The following FYB1 variants were observed in gnomAD, a reference collection of about 807,000 sequenced individuals.
FYB1 encodes FYN-binding protein 1.
A neutral mutation model predicts 94.1 loss-of-function variants in FYB1; 41 were observed. The observed-to-expected ratio is 0.44, with a 90% CI of 0.34 to 0.57. The LOEUF is 0.57. Among genes scored for constraint, FYB1 ranks in the 20% least tolerant of loss-of-function variants. The probability of loss-of-function intolerance (pLI) is 0.02; values close to 1 mark genes in which losing one functional copy is unlikely to be tolerated. For missense variants in FYB1, 1,050 were observed against 976.8 expected (o/e 1.07, Z -1.00); for synonymous variants, 367 against 353.2 (o/e 1.04, Z -0.44).
At chr5:39,194,673 G>A (rs1376902021) in intron 2 of FYB1, among the ~76,000 whole-genome samples, 1 of 152,204 alleles carries the variant, frequency 6.6e-6, no homozygotes, top group African/African-American at 2.4e-5. Context: ...TCTTAGAAGA[G>A]CAGAAGAAAG....
At chr5:39,258,228 G>A (rs1752049506) in intron 1 of FYB1, among the ~76,000 whole-genome samples, 1 of 152,164 alleles carries the variant, frequency 6.6e-6, no homozygotes, top group Non-Finnish European at 1.5e-5. Flanking sequence ...CATCTACCCT[G>A]ATGCTGAAAC....
chr5:39,217,702 C>G (rs1749977184), intron 1 of FYB1, among the ~76,000 whole-genome samples: 1 of 152,176 alleles, frequency 6.6e-6, no homozygotes, highest in African/African-American at 2.4e-5. Context: ...TCTGGAGTCA[C>G]AGTCTTAACC....
intron 2 of FYB1, among the ~76,000 whole-genome samples, chr5:39,165,500 G>A (rs1445166814): frequency 6.6e-6 from 1 of 152,178 alleles, no homozygotes; most frequent in Non-Finnish European, 1.5e-5. Flanking sequence ...GCAAGATGGA[G>A]TAAAGATTTA....
rs117731392 is a variant in FYB1 at position 39,166,101 on chromosome 5, A to G, written c.1136-12497T>C. On this transcript the variant is annotated intron_variant, in intron 2 of 18. Coordinates refer to ENST00000512982, the MANE Select transcript of FYB1 (RefSeq NM_001465.6). ...TTCTCAAACAACTAAAAATGGAATTACTGTAAGATTCAGCAATCCTACTAC... is the reference window on the plus strand; with the variant it reads ...TTCTCAAACAACTAAAAATGGAATTGCTGTAAGATTCAGCAATCCTACTAC... Among the ~76,000 whole-genome samples the G allele has an allele frequency of 2.6e-3, 393 of 152,344 alleles. 9 individuals carry two copies. In the East Asian group the frequency reaches 0.058, roughly 22 times the overall value.
chr5:39,232,893 G>A (rs1468466119), intron 1 of FYB1, among the ~76,000 whole-genome samples: 11 of 152,014 alleles, frequency 7.2e-5, no homozygotes, highest in African/African-American at 2.7e-4. Context: ...CAAAGGACAT[G>A]AACTCATCAT....
chr5:39,255,126 ATCAT>A (rs1449099860), intron 1 of FYB1, among the ~76,000 whole-genome samples: 1 of 152,158 alleles, frequency 6.6e-6, no homozygotes, highest in African/African-American at 2.4e-5. Flanking sequence ...AGAGGAGAAA[ATCAT>A]GGAGCTATTT....
chr5:39,265,589 G>A (rs1020207497), intron 1 of FYB1, among the ~76,000 whole-genome samples: 32 of 152,158 alleles, frequency 2.1e-4, no homozygotes, highest in African/African-American at 7.0e-4. Flanking sequence ...CCTGGGAGGC[G>A]GAGGCTGCAG....
chr5:39,198,324 G>A (rs1429497912), intron 2 of FYB1, among the ~76,000 whole-genome samples: 1 of 152,108 alleles, frequency 6.6e-6, no homozygotes, highest in African/African-American at 2.4e-5. Flanking sequence ...TCTCATGCTA[G>A]GCTCTGTACC....
chr5:39,143,525 C>G (rs1387310009), intron 3 of FYB1, among the ~76,000 whole-genome samples: 1 of 148,260 alleles, frequency 6.7e-6, no homozygotes, highest in African/African-American at 2.6e-5. Context: ...CTTCCCTATC[C>G]TGATAGTCCC....
intron 1 of FYB1, among the ~76,000 whole-genome samples, chr5:39,244,385 G>A (rs557500869): frequency 1.6e-4 from 24 of 145,720 alleles, no homozygotes; most frequent in South Asian, 8.5e-4. Context: ...CCTTTTCTGC[G>A]TCTATTGAGA....
chr5:39,267,624 A>G (rs994912067), intron 1 of FYB1, among the ~76,000 whole-genome samples: 7 of 152,202 alleles, frequency 4.6e-5, no homozygotes, highest in Non-Finnish European at 1.0e-4. Flanking sequence ...TTAGGGAGAA[A>G]GAAATTAAGG....
intron 1 of FYB1, among the ~76,000 whole-genome samples, chr5:39,260,480 A>G (rs1752163596): frequency 6.6e-6 from 1 of 152,216 alleles, no homozygotes; most frequent in Non-Finnish European, 1.5e-5. Flanking sequence ...AGGAGTACCA[A>G]GCAGGATAAG....
In FYB1 at chr5:39,159,132, G is replaced by C. The variant is rs1200710649; in HGVS notation, c.1136-5528C>G. On this transcript the variant is annotated intron_variant, in intron 2 of 18. Transcript: ENST00000512982. Reference sequence around the variant, plus strand: ...AAAGATGGTCACACAAGGCTGAGGGGTGCCACATATAAAATCATTTCTGTT... The same window carrying C: ...AAAGATGGTCACACAAGGCTGAGGGCTGCCACATATAAAATCATTTCTGTT... Among the ~76,000 whole-genome samples the C allele has an allele frequency of 2.6e-5, 4 of 152,146 alleles. No homozygotes were observed. The East Asian group carries it at 7.7e-4, about 29-fold the overall frequency.
chr5:39,108,878 C>T (rs1464851474), intron 17 of FYB1, among the ~76,000 whole-genome samples: 2 of 151,990 alleles, frequency 1.3e-5, no homozygotes, highest in Non-Finnish European at 2.9e-5. Context: ...TTAGGTTTTG[C>T]CTGGCCCTGA....
chr5:39,182,128 G>T (rs534803666), intron 2 of FYB1, among the ~76,000 whole-genome samples: 1 of 151,990 alleles, frequency 6.6e-6, no homozygotes, highest in African/African-American at 2.4e-5. Context: ...TATAAGGTTC[G>T]GTTCCTGCCT....
intron 11 of FYB1, 27 bp downstream of exon 11, chr5:39,127,713 CA>C (rs1185791045): frequency 1.9e-6 from 3 of 1,567,462 alleles, no homozygotes; most frequent in Non-Finnish European, 8.6e-7. Context: ...TAATAATTTG[CA>C]AAAAGCAGTT....
At chr5:39,203,272 G>GCTAT (rs1748544991) in intron 1 of FYB1, among the ~76,000 whole-genome samples, 1 of 151,808 alleles carries the variant, frequency 6.6e-6, no homozygotes. Context: ...TGTTTCTCTA[G>GCTAT]CTATCTTGTT....
chr5:39,116,659 T>C (rs1157108763), intron 16 of FYB1, among the ~76,000 whole-genome samples: 1 of 152,190 alleles, frequency 6.6e-6, no homozygotes, highest in Non-Finnish European at 1.5e-5. Flanking sequence ...CTCTCACTGG[T>C]GCCGTATCTA....
intron 16 of FYB1, among the ~76,000 whole-genome samples, chr5:39,116,633 T>A (rs1739594082): frequency 6.6e-6 from 1 of 152,012 alleles, no homozygotes; most frequent in Non-Finnish European, 1.5e-5. Flanking sequence ...AAGATAAGAG[T>A]CTCTTCTCTG....
Sources: gnomAD v4.1 joint callset for allele counts (sites outside exome capture counted in the v4.1 genomes callset) on GRCh38, gnomAD v4.1.1 for gene constraint, MANE v1.5 for transcripts, NCBI Gene and HGNC (gene_info 2026-07-23, HGNC 2026-07-21) for gene names.